LINGO2: variants seen among roughly 807,000 people sequenced by gnomAD.
The protein encoded by LINGO2 is leucine-rich repeat and immunoglobulin-like domain-containing nogo receptor-interacting protein 2.
In LINGO2, 14 loss-of-function variants were observed where a neutral mutation model predicts 30.6. That is an observed-to-expected ratio of 0.46 (90% CI 0.30 to 0.72). LINGO2 has a LOEUF of 0.72. Among genes scored for constraint, LINGO2 ranks in the 30% least tolerant of loss-of-function variants. LINGO2 has a pLI of 0.07. For missense variants in LINGO2, 729 were observed against 751.7 expected (o/e 0.97, Z 0.35); for synonymous variants, 317 against 288.5 (o/e 1.10, Z -1.00).
chr9:28,666,666 T>G (rs572925427), intron 1 of LINGO2, among the ~76,000 whole-genome samples: 1 of 152,164 alleles, frequency 6.6e-6, no homozygotes, highest in Non-Finnish European at 1.5e-5. Flanking sequence ...TGAGCAGTAC[T>G]TTTATCCTTT....
chr9:28,875,230 T>C, the LINGO2 span, among the ~76,000 whole-genome samples: 1 of 152,124 alleles, frequency 6.6e-6, no homozygotes. Flanking sequence ...CATCTCTAAA[T>C]GTTTACCTGT....
intron 1 of LINGO2, among the ~76,000 whole-genome samples, chr9:28,575,848 C>T (rs1327755330): frequency 6.6e-6 from 1 of 151,808 alleles, no homozygotes; most frequent in Non-Finnish European, 1.5e-5. Context: ...TTGGATGAAG[C>T]ATTTTGTATA....
Position 28,370,997 on chromosome 9 carries a change from G to T in LINGO2, c.-246+1839C>A, listed in dbSNP as rs59571977. Among the ~76,000 whole-genome samples, 847 of 152,324 alleles carry T rather than the reference G, an allele frequency of 5.6e-3. 26 individuals carry two copies. In the East Asian group the frequency reaches 0.098, roughly 18 times the overall value. ...CAGTGGCTAATGCAAGCCATCAGAAGTATCTACATAGAGTGCACGTAAATG... is the reference window on the plus strand; with the variant it reads ...CAGTGGCTAATGCAAGCCATCAGAATTATCTACATAGAGTGCACGTAAATG... On this transcript the variant is annotated intron_variant, in intron 3 of 5. Coordinates refer to ENST00000379992, the Ensembl canonical transcript of LINGO2.
chr9:28,166,738 T>A (rs1231461732), intron 4 of LINGO2, among the ~76,000 whole-genome samples: 1 of 152,100 alleles, frequency 6.6e-6, no homozygotes, highest in Non-Finnish European at 1.5e-5. Context: ...ATTTCCTTTT[T>A]TTTTTCCTGG....
chr9:29,008,050 A>T, the LINGO2 span, among the ~76,000 whole-genome samples: 39 of 152,186 alleles, frequency 2.6e-4, no homozygotes, highest in Admixed American at 5.2e-4. Context: ...TAAATTAGGT[A>T]TATCTCCTAA....
chr9:28,111,818 G>C (rs757522341), intron 4 of LINGO2, among the ~76,000 whole-genome samples: 3 of 152,228 alleles, frequency 2.0e-5, no homozygotes, highest in Non-Finnish European at 4.4e-5. Flanking sequence ...ACACAGGGGA[G>C]AGTGATGCAT....
chr9:27,989,246 G>A (rs1821270868), intron 5 of LINGO2, among the ~76,000 whole-genome samples: 1 of 151,840 alleles, frequency 6.6e-6, no homozygotes, highest in African/African-American at 2.4e-5. Flanking sequence ...CTAGTCTTCT[G>A]ATTTATTATT....
chr9:28,425,823 C>T (rs904774790), intron 2 of LINGO2, among the ~76,000 whole-genome samples: 2 of 151,934 alleles, frequency 1.3e-5, no homozygotes, highest in Non-Finnish European at 2.9e-5. Context: ...CCAGAGAAGC[C>T]AAAATGGGAA....
chr9:28,790,625 C>A, the LINGO2 span, among the ~76,000 whole-genome samples: 2 of 151,958 alleles, frequency 1.3e-5, no homozygotes, highest in South Asian at 4.1e-4. Context: ...TGAGCCACCA[C>A]GCCTGGCCTA....
At chr9:28,848,389 G>GTATA in the LINGO2 span, among the ~76,000 whole-genome samples, 168 of 52,220 alleles carry the variant, frequency 3.2e-3, no homozygotes, top group Non-Finnish European at 5.5e-3. Context: ...GTGTGTGTGT[G>GTATA]TGTGTGTGTA....
chr9:28,301,638 T>A (rs115255526), intron 3 of LINGO2, among the ~76,000 whole-genome samples: 15,403 of 152,198 alleles, frequency 0.1, 992 homozygotes, highest in Middle Eastern at 0.26. Flanking sequence ...TTCCCACAAC[T>A]TTTAATGTAA....
chr9:28,257,470 G>A (rs1481898510), intron 4 of LINGO2, among the ~76,000 whole-genome samples: 1 of 151,804 alleles, frequency 6.6e-6, no homozygotes, highest in African/African-American at 2.4e-5. Context: ...GCCTCCCAGA[G>A]ACTCACTAAA....
intron 2 of LINGO2, among the ~76,000 whole-genome samples, chr9:28,457,160 A>T (rs913373857): frequency 6.6e-6 from 1 of 152,114 alleles, no homozygotes; most frequent in Non-Finnish European, 1.5e-5. Flanking sequence ...TTCAGGAGAA[A>T]CCTTGACCCA....
the LINGO2 span, among the ~76,000 whole-genome samples, chr9:28,897,684 A>G: frequency 6.6e-6 from 1 of 152,124 alleles, no homozygotes; most frequent in African/African-American, 2.4e-5. Context: ...GAAAATAATA[A>G]TTGTATCTAT....
the LINGO2 span, among the ~76,000 whole-genome samples, chr9:29,066,292 G>T: frequency 3.3e-5 from 5 of 151,972 alleles, no homozygotes; most frequent in Non-Finnish European, 7.4e-5. Context: ...TACGTCGCAA[G>T]AGAAGAATGT....
intron 3 of LINGO2, among the ~76,000 whole-genome samples, chr9:28,352,056 C>A (rs1819921741): frequency 6.7e-6 from 1 of 149,906 alleles, no homozygotes; most frequent in Admixed American, 6.6e-5. Context: ...ACTGAATGGG[C>A]AAAAACTGGA....
chr9:28,995,403 C>T, the LINGO2 span, among the ~76,000 whole-genome samples: 1 of 152,178 alleles, frequency 6.6e-6, no homozygotes, highest in Non-Finnish European at 1.5e-5. Flanking sequence ...GAAATAGGAA[C>T]ACTTTGACAC....
chr9:28,713,733 C>T, the LINGO2 span, among the ~76,000 whole-genome samples: 1 of 152,096 alleles, frequency 6.6e-6, no homozygotes, highest in African/African-American at 2.4e-5. Flanking sequence ...CAGTAAGAAG[C>T]AGTGGCTACC....
intron 1 of LINGO2, among the ~76,000 whole-genome samples, chr9:28,566,172 T>C (rs1205886889): frequency 6.6e-6 from 1 of 152,124 alleles, no homozygotes; most frequent in Non-Finnish European, 1.5e-5. Flanking sequence ...TTCCTGAATA[T>C]TGGGAAGATC....
Sources: allele counts gnomAD v4.1 joint callset (sites outside exome capture counted in the v4.1 genomes callset), GRCh38; gene constraint gnomAD v4.1.1; transcripts MANE v1.5; gene names NCBI Gene and HGNC (gene_info 2026-07-23, HGNC 2026-07-21).